Variants in GLRA3 observed in about 807,000 individuals in gnomAD.
The protein encoded by GLRA3 is glycine receptor alpha 3, also known as glycine receptor subunit alpha-3.
Under a neutral mutation model 60.4 loss-of-function variants are expected in GLRA3, and 44 were observed. The ratio of observed to expected loss-of-function variants is 0.73; its 90% CI spans 0.57 to 0.94. The LOEUF is 0.94. Among genes scored for constraint, GLRA3 ranks in the 40% least tolerant of loss-of-function variants. GLRA3 has a pLI of 0.00. For synonymous variants in GLRA3, 223 were observed against 192.9 expected (o/e 1.16, Z -1.29); for missense variants, 508 against 564.6 (o/e 0.90, Z 1.02).
chr4:174,796,403 A>G (rs766527844), intron 1 of GLRA3, among the ~76,000 whole-genome samples: 1 of 152,208 alleles, frequency 6.6e-6, no homozygotes, highest in Non-Finnish European at 1.5e-5. Flanking sequence ...TCAATGATAC[A>G]GACTCATTCA....
At chr4:174,700,362 A>C (rs1381244213) in intron 5 of GLRA3, among the ~76,000 whole-genome samples, 1 of 152,150 alleles carries the variant, frequency 6.6e-6, no homozygotes, top group East Asian at 1.9e-4. Flanking sequence ...ATATTTCAGT[A>C]CTTGTCATAA....
chr4:174,657,218 T>C (rs1468410486), intron 8 of GLRA3, among the ~76,000 whole-genome samples: 1 of 152,152 alleles, frequency 6.6e-6, no homozygotes, highest in Non-Finnish European at 1.5e-5. Context: ...AAAATAATTT[T>C]TTAAAAGAAG....
At chr4:174,733,951 C>CT (rs1203843879) in intron 3 of GLRA3, among the ~76,000 whole-genome samples, 1 of 152,100 alleles carries the variant, frequency 6.6e-6, no homozygotes, top group Non-Finnish European at 1.5e-5. Flanking sequence ...ACTATTATAT[C>CT]TTTTTGAACT....
intron 3 of GLRA3, among the ~76,000 whole-genome samples, chr4:174,744,974 C>T (rs1421411830): frequency 1.3e-5 from 2 of 152,076 alleles, no homozygotes; most frequent in African/African-American, 2.4e-5. Context: ...GAACCAAACA[C>T]AAATTCTGTA....
chr4:174,818,987 C>A (rs1350244450), intron 1 of GLRA3, among the ~76,000 whole-genome samples: 1 of 152,164 alleles, frequency 6.6e-6, no homozygotes, highest in Non-Finnish European at 1.5e-5. Flanking sequence ...TTACACACTT[C>A]CATCTTTATC....
intron 2 of GLRA3, among the ~76,000 whole-genome samples, chr4:174,773,313 G>T (rs78362796): frequency 4.0e-5 from 6 of 148,456 alleles, no homozygotes; most frequent in South Asian, 2.1e-4. Context: ...TCGTTTAGAT[G>T]TTTTTTTTTT....
chr4:174,782,672 C>A (rs1030939515), intron 2 of GLRA3, among the ~76,000 whole-genome samples: 16 of 152,072 alleles, frequency 1.1e-4, no homozygotes, highest in African/African-American at 3.4e-4. Context: ...TATACACCAA[C>A]AACAGACAAA....
intron 9 of GLRA3, among the ~76,000 whole-genome samples, chr4:174,650,521 G>A (rs1168496231): frequency 6.6e-6 from 1 of 152,166 alleles, no homozygotes; most frequent in Non-Finnish European, 1.5e-5. Context: ...CTACATGAAT[G>A]ACAGCTACTG....
intron 7 of GLRA3, among the ~76,000 whole-genome samples, chr4:174,671,651 T>C (rs757893828): frequency 1.3e-5 from 2 of 152,110 alleles, no homozygotes; most frequent in Non-Finnish European, 1.5e-5. Flanking sequence ...ATTTTTCTTA[T>C]TTTTTATTAT....
At position 174,642,085 on chromosome 4, in the gene GLRA3, T is replaced by C; in HGVS notation, c.*1701A>G. On this transcript the variant is annotated 3_prime_UTR_variant, in exon 10 of 10. Transcript: ENST00000274093. The stretch of plus-strand genomic sequence containing the variant: ...AACATGATATTATTTCCTTATAGTG[T>C]TGTTTTAAGTTACTTATAAAGGAGG... 1.2e-6 allele frequency: 1 copy of C among 867,652 alleles called. No homozygotes were observed. Among genetic ancestry groups the C allele is most frequent in the Non-Finnish European group, 1.4e-6 (1 of 722,646 alleles). The allele number at this position is 867,652 out of a possible 1,614,324, so 53.7% of individuals were successfully genotyped here.
intron 5 of GLRA3, among the ~76,000 whole-genome samples, chr4:174,700,749 T>C (rs1393649741): frequency 1.3e-5 from 2 of 152,160 alleles, no homozygotes; most frequent in Non-Finnish European, 2.9e-5. Context: ...AACAACCTTA[T>C]TGAAGATATG....
At chr4:174,736,418 T>C (rs1322219178) in intron 3 of GLRA3, among the ~76,000 whole-genome samples, 3 of 152,096 alleles carry the variant, frequency 2.0e-5, no homozygotes, top group Non-Finnish European at 4.4e-5. Flanking sequence ...CACCACCTAG[T>C]TTCACAACAT....
At position 174,638,454 on chromosome 4, in the gene GLRA3, CT is replaced by C. The variant is rs2110820013; in HGVS notation, c.*5331del. On this transcript the variant is annotated 3_prime_UTR_variant, in exon 10 of 10. Transcript: ENST00000274093. ...GGATTACAGGCACCTGCCATCATGC[CT>C]GGCTAATTTTTGTATTTTTAGTAGA... 1 of 152,270 alleles carries C rather than the reference CT, an allele frequency of 6.6e-6. No homozygotes were observed. The highest frequency in any genetic ancestry group is 1.9e-4 in the East Asian group (1 of 5,162). 9.4% of individuals were successfully genotyped at this position (152,270 alleles called of 1,614,324 possible).
intron 6 of GLRA3, 60 bp from the exon 7 acceptor site, chr4:174,677,352 A>T: frequency 1.1e-6 from 1 of 949,658 alleles, no homozygotes; most frequent in Non-Finnish European, 1.7e-6. Flanking sequence ...TACGGCATCA[A>T]ATATCACAAT....
At chr4:174,827,454 A>G (rs1210399263) in intron 1 of GLRA3, among the ~76,000 whole-genome samples, 1 of 151,690 alleles carries the variant, frequency 6.6e-6, no homozygotes, top group African/African-American at 2.4e-5. Context: ...AGAAATAATC[A>G]ATTTATATTT....
chr4:174,813,678 G>A (rs995522767), intron 1 of GLRA3, among the ~76,000 whole-genome samples: 1 of 152,150 alleles, frequency 6.6e-6, no homozygotes, highest in Non-Finnish European at 1.5e-5. Flanking sequence ...AATATATTCT[G>A]CCTCTATTCT....
intron 4 of GLRA3, among the ~76,000 whole-genome samples, chr4:174,727,733 A>G (rs1375051184): frequency 6.6e-6 from 1 of 152,122 alleles, no homozygotes; most frequent in Non-Finnish European, 1.5e-5. Context: ...TGAATCCTAG[A>G]GTTCAACTGT....
chr4:174,770,654 A>G (rs1459485260), intron 2 of GLRA3, among the ~76,000 whole-genome samples: 1 of 152,100 alleles, frequency 6.6e-6, no homozygotes, highest in Non-Finnish European at 1.5e-5. Flanking sequence ...AAATTGTTTT[A>G]AATATGAAGG....
At chr4:174,646,638 C>T (rs971756495) in intron 9 of GLRA3, among the ~76,000 whole-genome samples, 1 of 152,110 alleles carries the variant, frequency 6.6e-6, no homozygotes, top group Non-Finnish European at 1.5e-5. Flanking sequence ...TGACTTTTGT[C>T]CATGGCAGCT....
Sources: gnomAD v4.1 joint callset for allele counts (sites outside exome capture counted in the v4.1 genomes callset) on GRCh38, gnomAD v4.1.1 for gene constraint, MANE v1.5 for transcripts, NCBI Gene and HGNC (gene_info 2026-07-23, HGNC 2026-07-21) for gene names.